CPLANE1: variants seen among roughly 807,000 people sequenced by gnomAD.
The protein encoded by CPLANE1 is ciliogenesis and planar polarity effector complex subunit 1.
A neutral mutation model predicts 362.5 loss-of-function variants in CPLANE1; 263 were observed. That is an observed-to-expected ratio of 0.73 (90% confidence interval 0.66 to 0.80). The LOEUF is 0.80. Among genes scored for constraint, CPLANE1 ranks in the 30% least tolerant of loss-of-function variants. The probability of loss-of-function intolerance (pLI) is 0.00; values close to 1 mark genes in which losing one functional copy is unlikely to be tolerated. For synonymous variants in CPLANE1, 1,212 were observed against 1,302.6 expected, an observed-to-expected ratio of 0.93 and a Z score of 1.50; for missense variants, 3,461 against 3,793.4, an observed-to-expected ratio of 0.91 and a Z score of 2.30.
intron 41 of CPLANE1, among the ~76,000 whole-genome samples, chr5:37,155,985 T>C (rs974386479): frequency 6.6e-6 from 1 of 152,276 alleles, no homozygotes; most frequent in African/African-American, 2.4e-5. Context: ...AGCAGCCCCA[T>C]GACAGAAGAG....
At chr5:37,100,058 G>A in the CPLANE1 span, among the ~76,000 whole-genome samples, 4,287 of 151,974 alleles carry the variant, frequency 0.028, 92 homozygotes, top group Middle Eastern at 0.1. Flanking sequence ...CATTCTGTAG[G>A]TTGTCTGTTC....
the CPLANE1 span, among the ~76,000 whole-genome samples, chr5:37,091,906 C>T: frequency 1.3e-5 from 2 of 152,132 alleles, no homozygotes; most frequent in African/African-American, 4.8e-5. Flanking sequence ...TGACACAAGC[C>T]CCGGACGTCA....
chr5:37,227,892 A>G, intron 9 of CPLANE1, 75 bp from the exon 10 acceptor site: 4 of 1,377,274 alleles, frequency 2.9e-6, no homozygotes, highest in Non-Finnish European at 3.9e-6. Context: ...TTTTCAAAAA[A>G]GAAGAAAAAG....
At chr5:37,094,464 A>G in the CPLANE1 span, among the ~76,000 whole-genome samples, 1 of 152,362 alleles carries the variant, frequency 6.6e-6, no homozygotes, top group African/African-American at 2.4e-5. Flanking sequence ...ATAGCCCTAA[A>G]GGACTACATC....
rs1186522083 is a variant in CPLANE1, at chr5:37,244,552, G to C, written c.393C>G (p.Leu131=). Residue 131 remains leucine, a synonymous_variant, in exon 5 of 53, where the codon CTC becomes CTG. Coordinates refer to ENST00000651892, the MANE Select transcript of CPLANE1 (RefSeq NM_001384732.1). The stretch of plus-strand genomic sequence containing the variant: ...GAAATATGCATCCAGAAGGTGTTAT[G>C]AGCACAATTCTTTTCCCATTTCCAG... The part of the protein sequence containing the change: ...YVSGNGKRIV[L]ITPSGCIFLW... The C allele has an allele frequency of 1.3e-6, 2 of 1,551,324 alleles. No individual in the cohort carries two copies. The highest frequency in any genetic ancestry group is 1.7e-6 in the Non-Finnish European group (2 of 1,146,896).
chr5:37,226,806 A>T lies in CPLANE1; in HGVS notation c.1789T>A (p.Tyr597Asn). The stretch of plus-strand genomic sequence containing the variant: ...AAATGAGTGATACAAACTACTATGT[A>T]ATTTAACATTAAATTTTTTTCTGTC... ...TVTEKNLMLNYIVVCITHFFY... is the reference protein window; with the variant it reads ...TVTEKNLMLNNIVVCITHFFY... The change falls in exon 12 of 53, where the codon TAC becomes AAC. Residue 597 changes from tyrosine to asparagine, a missense_variant. Tyr to Asn is a moderately radical substitution (Grantham distance 143, BLOSUM62 -2). Transcript: ENST00000651892. 6.5e-7 allele frequency: 1 copy of T among 1,549,762 alleles called. No individual in the cohort carries two copies. The highest frequency in any genetic ancestry group is 8.7e-7 in the Non-Finnish European group (1 of 1,146,202).
intron 43 of CPLANE1, among the ~76,000 whole-genome samples, chr5:37,145,980 C>T (rs1018592033): frequency 6.6e-6 from 1 of 152,098 alleles, no homozygotes; most frequent in African/African-American, 2.4e-5. Context: ...GAGAAAACAA[C>T]ACATTAAATG....
At chr5:37,149,206 G>A (rs1223123373) in intron 42 of CPLANE1, among the ~76,000 whole-genome samples, 1 of 152,100 alleles carries the variant, frequency 6.6e-6, no homozygotes, top group Non-Finnish European at 1.5e-5. Flanking sequence ...CTGAAACGGT[G>A]GGGGTAGTAC....
intron 46 of CPLANE1, among the ~76,000 whole-genome samples, chr5:37,135,710 G>A (rs2150316535): frequency 6.6e-6 from 1 of 152,180 alleles, no homozygotes; most frequent in South Asian, 2.1e-4. Flanking sequence ...GCACGTGCCT[G>A]TAATCCCAGC....
chr5:37,246,953 C>T (rs893386627), intron 2 of CPLANE1, among the ~76,000 whole-genome samples: 1 of 152,080 alleles, frequency 6.6e-6, no homozygotes, highest in Non-Finnish European at 1.5e-5. Context: ...CTACAGCAGA[C>T]CTAATTAACT....
intron 46 of CPLANE1, among the ~76,000 whole-genome samples, chr5:37,138,259 T>C (rs187297837): frequency 8.1e-4 from 123 of 152,302 alleles, no homozygotes; most frequent in Non-Finnish European, 1.4e-3. Context: ...AGTTAAGTCT[T>C]CTTGTTGAAT....
At chr5:37,143,197 A>T (rs1770338420) in intron 43 of CPLANE1, among the ~76,000 whole-genome samples, 1 of 152,252 alleles carries the variant, frequency 6.6e-6, no homozygotes, top group Admixed American at 6.5e-5. Context: ...AAGCAAATGC[A>T]AAACTACTCC....
intron 2 of CPLANE1, chr5:37,246,089 G>T (rs1332396649): frequency 1.8e-5 from 4 of 225,824 alleles, no homozygotes; most frequent in Non-Finnish European, 3.4e-5. Context: ...TTTCTTTGAA[G>T]TTTAAAATTA....
intron 46 of CPLANE1, among the ~76,000 whole-genome samples, chr5:37,132,369 GA>G (rs1461626639): frequency 1.8e-5 from 2 of 111,512 alleles, no homozygotes; most frequent in East Asian, 5.6e-4. Context: ...TTTTGAGACA[GA>G]GTCTTGCTCT....
At chr5:37,162,680 T>A in intron 37 of CPLANE1, 114 bp from the exon 38 acceptor site, 1 of 680,382 alleles carries the variant, frequency 1.5e-6, no homozygotes, top group East Asian at 2.8e-5. Flanking sequence ...CAGGATGTTA[T>A]TAAATTTTTT....
chr5:37,142,514 ATAG>A, intron 43 of CPLANE1, 34 bp from the exon 44 acceptor site: 1 of 1,325,952 alleles, frequency 7.5e-7, no homozygotes, highest in Non-Finnish European at 1.0e-6. Context: ...TTAAAATAAA[ATAG>A]TAGAGGAAAA....
At chr5:37,155,245 G>GCCT (rs1320243717) in intron 41 of CPLANE1, among the ~76,000 whole-genome samples, 1 of 152,084 alleles carries the variant, frequency 6.6e-6, no homozygotes, top group Non-Finnish European at 1.5e-5. Flanking sequence ...AAGTCCAAAT[G>GCCT]CCTCCATATG....
At chr5:37,167,680 A>T (rs1166166784) in intron 34 of CPLANE1, among the ~76,000 whole-genome samples, 1 of 152,182 alleles carries the variant, frequency 6.6e-6, no homozygotes, top group African/African-American at 2.4e-5. Flanking sequence ...TGGGAGGCTG[A>T]GGCAGGAGAA....
chr5:37,104,927 A>G (rs1275111991), downstream of CPLANE1, among the ~76,000 whole-genome samples: 1 of 152,172 alleles, frequency 6.6e-6, no homozygotes, highest in Non-Finnish European at 1.5e-5. Context: ...CCATCTCTCC[A>G]TGTGTTATTA....
Sources: allele counts gnomAD v4.1 joint callset (sites outside exome capture counted in the v4.1 genomes callset), GRCh38; gene constraint gnomAD v4.1.1; transcripts MANE v1.5; gene names NCBI Gene and HGNC (gene_info 2026-07-23, HGNC 2026-07-21).